The following WDR59 variants were observed in gnomAD, a reference collection of about 807,000 sequenced individuals.
The protein encoded by WDR59 is GATOR2 complex protein WDR59.
A neutral mutation model predicts 131.2 loss-of-function variants in WDR59; 100 were observed. The ratio of observed to expected loss-of-function variants is 0.76; its 90% CI spans 0.65 to 0.90. The LOEUF is 0.90. WDR59 is among the 40% of genes least tolerant of loss of function. The pLI is 0.00. For missense variants in WDR59, 1,203 were observed against 1,262.2 expected, an observed-to-expected ratio of 0.95 and a Z score of 0.71; for synonymous variants, 601 against 466.2, an observed-to-expected ratio of 1.29 and a Z score of -3.72.
intron 7 of WDR59, 71 bp from the exon 8 acceptor site, chr16:74,938,337 G>T: frequency 1.9e-6 from 2 of 1,079,572 alleles, no homozygotes; most frequent in Non-Finnish European, 2.6e-6. Flanking sequence ...GTAAAAGTCT[G>T]CTAGGTAGTG....
intron 4 of WDR59, among the ~76,000 whole-genome samples, chr16:74,951,097 T>A (rs1032993686): frequency 6.7e-6 from 1 of 148,750 alleles, no homozygotes; most frequent in Non-Finnish European, 1.5e-5. Context: ...GAAGCGGTGG[T>A]TGCAGTGAGC....
chr16:74,928,352 G>A (rs112397620), intron 8 of WDR59, among the ~76,000 whole-genome samples: 2,085 of 151,776 alleles, frequency 0.014, 42 homozygotes, highest in African/African-American at 0.047. Context: ...GAGTAGATGG[G>A]ACTACAAGGG....
At chr16:74,959,180 C>G (rs1045541769) in intron 2 of WDR59, among the ~76,000 whole-genome samples, 1 of 152,088 alleles carries the variant, frequency 6.6e-6, no homozygotes, top group African/African-American at 2.4e-5. Context: ...GGAAGTGCTG[C>G]ACTAAGTCAT....
chr16:74,909,675 A>T lies in WDR59; in HGVS notation c.1486-18T>A, dbSNP rs1014450216. ...TCCTGGTTCTGAAATTTAAAAATCC[A>T]CAAGCTAAAAACCACAACCTGTCTT... On this transcript the variant is annotated intron_variant, in intron 15 of 25. Transcript: ENST00000262144. 1 of 1,554,088 alleles carries T rather than the reference A, an allele frequency of 6.4e-7. No individual in the cohort carries two copies. The highest frequency in any genetic ancestry group is 8.7e-7 in the Non-Finnish European group (1 of 1,152,140).
chr16:74,878,011 G>T (rs145867176), intron 25 of WDR59, among the ~76,000 whole-genome samples: 1 of 152,072 alleles, frequency 6.6e-6, no homozygotes, highest in Non-Finnish European at 1.5e-5. Context: ...TACTATAAAC[G>T]TCAGCTACCT....
In WDR59 at chr16:74,917,993, T is replaced by TG; in HGVS notation, c.901dup (p.Gln301ProfsTer27). 1 of 1,613,850 alleles carries TG rather than the reference T, an allele frequency of 6.2e-7. No homozygotes were observed. The highest frequency in any genetic ancestry group is 1.1e-5 in the South Asian group (1 of 91,078). On this transcript the variant is annotated frameshift_variant, in exon 11 of 26. Coordinates refer to ENST00000262144, the MANE Select transcript of WDR59 (RefSeq NM_030581.4). LOFTEE classifies it high-confidence loss of function. ...CTGATCCCGGGACCACGTCACCAGT[T>TG]GATAGTCCTTGGACCCTAGAAATCA...
chr16:74,889,153 C>G (rs1001628121), intron 21 of WDR59, among the ~76,000 whole-genome samples: 1 of 152,212 alleles, frequency 6.6e-6, no homozygotes, highest in Non-Finnish European at 1.5e-5. Context: ...CGTTTCTCTC[C>G]CCAGGCCCTG....
chr16:74,946,509 G>C (rs759575955), intron 6 of WDR59, among the ~76,000 whole-genome samples: 1 of 152,056 alleles, frequency 6.6e-6, no homozygotes, highest in Non-Finnish European at 1.5e-5. Flanking sequence ...ATCACTTGAG[G>C]TCAGGAGCTC....
Position 74,927,889 on chromosome 16 carries a change from T to G in WDR59, c.652-3886A>C, listed in dbSNP as rs555204129. Among the ~76,000 whole-genome samples the G allele has an allele frequency of 4.2e-3, 631 of 150,972 alleles. 1 individual carries two copies. Among genetic ancestry groups the G allele is most frequent in the Non-Finnish European group, 6.9e-3 (470 of 67,798 alleles). On this transcript the variant is annotated intron_variant, in intron 8 of 25. Coordinates refer to ENST00000262144, the MANE Select transcript of WDR59 (RefSeq NM_030581.4). ...GTATCAAGGATTCCTTTTTTTCCCC[T>G]TTTCTTTATTCTTTCTTTCTTTTTT...
At chr16:74,951,159 C>CAAAA (rs71378721) in intron 4 of WDR59, among the ~76,000 whole-genome samples, 73 of 74,576 alleles carry the variant, frequency 9.8e-4, no homozygotes, top group East Asian at 4.3e-3. Flanking sequence ...GACTTCGTCT[C>CAAAA]AAAAAAAAAA....
chr16:74,883,107 C>T (rs962623600), intron 25 of WDR59, among the ~76,000 whole-genome samples: 1 of 149,762 alleles, frequency 6.7e-6, no homozygotes, highest in South Asian at 2.1e-4. Context: ...TCACCGCAAC[C>T]TCCGCCTCCC....
chr16:74,976,631 C>T lies in WDR59; in HGVS notation c.54+8333G>A, dbSNP rs578097254. 1.2e-3 allele frequency among the ~76,000 whole-genome samples: 176 copies of T among 152,104 alleles called. 6 individuals are homozygous for T. In the South Asian group the frequency reaches 0.034, roughly 29 times the overall value. On this transcript the variant is annotated intron_variant, in intron 1 of 25. Coordinates refer to ENST00000262144, the MANE Select transcript of WDR59 (RefSeq NM_030581.4). Reference sequence around the variant, plus strand: ...TAATTTTCTGTATTTTTAGTAGAGACAGGGTTTCACTGTGTTAGCCAGGAT... The same window carrying T: ...TAATTTTCTGTATTTTTAGTAGAGATAGGGTTTCACTGTGTTAGCCAGGAT...
intron 8 of WDR59, among the ~76,000 whole-genome samples, chr16:74,931,069 T>A (rs952550308): frequency 5.3e-5 from 8 of 152,000 alleles, no homozygotes; most frequent in African/African-American, 1.9e-4. Flanking sequence ...ATAATTTGGA[T>A]TTATAAATAT....
rs1284732007 is a variant in WDR59 at position 74,893,714 on chromosome 16, G to A, written c.1965C>T (p.Leu655=). Residue 655 remains leucine, a synonymous_variant, in exon 19 of 26, where the codon CTC becomes CTT. Coordinates refer to ENST00000262144, the MANE Select transcript of WDR59 (RefSeq NM_030581.4). ...CTCCCAGCGATTTGTGAACAGGCAG[G>A]AGGCAAGCAATATCCTGGATGATGA... is the stretch of plus-strand genomic sequence containing the variant. The part of the protein sequence containing the change: ...GKVIIQDIAC[L]LPVHKSLGEL... 4 of 1,614,128 alleles carry A rather than the reference G, an allele frequency of 2.5e-6. No homozygotes were observed. In the Admixed American group the frequency reaches 6.7e-5, roughly 27 times the overall value.
At chr16:74,894,299 A>G (rs1362352677) in intron 18 of WDR59, among the ~76,000 whole-genome samples, 2 of 152,204 alleles carry the variant, frequency 1.3e-5, no homozygotes, top group Non-Finnish European at 2.9e-5. Context: ...AGGAAAACAG[A>G]GAAACTTTGC....
rs998815683 is a variant in WDR59 at position 74,873,957 on chromosome 16, G to A, written c.*252C>T. ...AAACTTCCACCTTGGTAGCTCAGCC[G>A]ACATAGACAACACACAAAGCGCAGC... On this transcript the variant is annotated 3_prime_UTR_variant, in exon 26 of 26. Coordinates refer to ENST00000262144, the MANE Select transcript of WDR59 (RefSeq NM_030581.4). 20 of 478,900 alleles carry A rather than the reference G, an allele frequency of 4.2e-5. No homozygotes were observed. Among genetic ancestry groups the A allele is most frequent in the East Asian group, 1.1e-4 (3 of 27,570 alleles). 29.7% of individuals were successfully genotyped at this position (478,900 alleles called of 1,614,324 possible). A position where few individuals can be genotyped will look rare whatever the true frequency, so the allele number is the denominator to read the frequency against.
chr16:74,983,656 A>T (rs1057158588), intron 1 of WDR59, among the ~76,000 whole-genome samples: 1 of 152,092 alleles, frequency 6.6e-6, no homozygotes, highest in Non-Finnish European at 1.5e-5. Flanking sequence ...TGTGTGCCAC[A>T]CATCCTCAAC....
chr16:74,924,105 A>G, intron 8 of WDR59, 102 bp from the exon 9 acceptor site: 1 of 1,124,634 alleles, frequency 8.9e-7, no homozygotes, highest in East Asian at 2.5e-5. Context: ...TCCTCTAAAG[A>G]TACACTTCAA....
chr16:74,877,632 C>A (rs1964280055), intron 25 of WDR59, among the ~76,000 whole-genome samples: 1 of 152,290 alleles, frequency 6.6e-6, no homozygotes, highest in Non-Finnish European at 1.5e-5. Context: ...GCAACCTCCG[C>A]CTCCCTGATT....
Sources: allele counts gnomAD v4.1 joint callset (sites outside exome capture counted in the v4.1 genomes callset), GRCh38; gene constraint gnomAD v4.1.1; transcripts MANE v1.5; gene names NCBI Gene and HGNC (gene_info 2026-07-23, HGNC 2026-07-21).